The following SAMD12 variants were observed in gnomAD, a reference collection of about 807,000 sequenced individuals.
The protein encoded by SAMD12 is sterile alpha motif domain-containing protein 12.
Under a neutral mutation model 15.0 loss-of-function variants are expected in SAMD12, and 9 were observed. That is an observed-to-expected ratio of 0.60 (90% CI 0.36 to 1.05). The LOEUF (loss-of-function observed/expected upper bound fraction) is 1.05, where lower values mean the gene tolerates loss of function less well. SAMD12 is among the 50% of genes least tolerant of loss of function. The pLI is 0.01. For synonymous variants in SAMD12, 86 were observed against 90.1 expected (o/e 0.96, Z 0.25); for missense variants, 230 against 234.2 (o/e 0.98, Z 0.12).
intron 4 of SAMD12, among the ~76,000 whole-genome samples, chr8:118,372,685 C>T (rs1359432708): frequency 6.6e-6 from 1 of 152,042 alleles, no homozygotes; most frequent in East Asian, 1.9e-4. Flanking sequence ...AACCTGCAAA[C>T]AACTCAAATG....
At chr8:118,607,491 C>T (rs1828013041) in intron 1 of SAMD12, among the ~76,000 whole-genome samples, 1 of 152,184 alleles carries the variant, frequency 6.6e-6, no homozygotes, top group Non-Finnish European at 1.5e-5. Flanking sequence ...CCACCTCAGC[C>T]TCCCAAAGTG....
At chr8:118,394,452 G>A (rs1820445839) in intron 3 of SAMD12, among the ~76,000 whole-genome samples, 1 of 152,190 alleles carries the variant, frequency 6.6e-6, no homozygotes, top group African/African-American at 2.4e-5. Flanking sequence ...AAGTAAGGGT[G>A]TATCTTTTCA....
intron 4 of SAMD12, chr8:118,284,836 G>A: frequency 6.5e-6 from 1 of 154,826 alleles, no homozygotes; most frequent in Non-Finnish European, 1.4e-5. Flanking sequence ...CAGCTACTCG[G>A]GAGGCTGAGG....
At chr8:118,335,989 G>A (rs897586568) in intron 4 of SAMD12, among the ~76,000 whole-genome samples, 5 of 152,128 alleles carry the variant, frequency 3.3e-5, no homozygotes, top group East Asian at 1.9e-4. Context: ...CTCTGAAAGC[G>A]CTGGGATTAC....
intron 2 of SAMD12, among the ~76,000 whole-genome samples, chr8:118,461,786 T>C (rs1332739897): frequency 1.3e-5 from 2 of 152,208 alleles, no homozygotes; most frequent in Admixed American, 6.5e-5. Flanking sequence ...CTAAGAAATA[T>C]GCAAGCACTG....
intron 4 of SAMD12, among the ~76,000 whole-genome samples, chr8:118,281,069 T>C (rs1233077043): frequency 6.6e-6 from 1 of 151,064 alleles, no homozygotes; most frequent in Non-Finnish European, 1.5e-5. Flanking sequence ...CAGAAACAGC[T>C]AGTTGTACTA....
intron 1 of SAMD12, among the ~76,000 whole-genome samples, chr8:118,603,523 G>A (rs747636961): frequency 6.6e-6 from 1 of 152,184 alleles, no homozygotes; most frequent in Non-Finnish European, 1.5e-5. Flanking sequence ...TTTAAAGCCA[G>A]TCAACTTACA....
chr8:118,380,307 C>T (rs1288805677), intron 3 of SAMD12, among the ~76,000 whole-genome samples: 1 of 152,116 alleles, frequency 6.6e-6, no homozygotes, highest in Non-Finnish European at 1.5e-5. Context: ...TGCCTTAATC[C>T]CAATTACTGG....
chr8:118,516,981 G>C (rs1323114424), intron 2 of SAMD12, among the ~76,000 whole-genome samples: 2 of 152,122 alleles, frequency 1.3e-5, no homozygotes, highest in Non-Finnish European at 1.5e-5. Flanking sequence ...TTTCTAACAG[G>C]ATTTGTGCAG....
At chr8:118,229,650 T>A (rs933539886) in intron 4 of SAMD12, among the ~76,000 whole-genome samples, 1 of 152,166 alleles carries the variant, frequency 6.6e-6, no homozygotes, top group African/African-American at 2.4e-5. Flanking sequence ...CTCCAGGAAC[T>A]CAATGAGTTA....
At chr8:118,479,844 G>C (rs1392191788) in intron 2 of SAMD12, among the ~76,000 whole-genome samples, 4 of 151,056 alleles carry the variant, frequency 2.6e-5, no homozygotes, top group African/African-American at 9.8e-5. Context: ...TGTCATTTGT[G>C]ATCACTGCTA....
intron 2 of SAMD12, among the ~76,000 whole-genome samples, chr8:118,498,797 T>G (rs1158888478): frequency 6.6e-6 from 1 of 152,210 alleles, no homozygotes; most frequent in Non-Finnish European, 1.5e-5. Context: ...AATACCTACA[T>G]GGCACCTATT....
chr8:118,590,094 C>A lies in SAMD12; in HGVS notation c.14-9201G>T, dbSNP rs567131658. 2.0e-4 allele frequency among the ~76,000 whole-genome samples: 31 copies of A among 152,254 alleles called. No individual in the cohort carries two copies. In the East Asian group the frequency reaches 4.6e-3, roughly 23 times the overall value. Reference sequence around the variant, plus strand: ...CCCAGACTTAGAACTAAGAAACCTGCAACTTGGGAAGAGCTATGGGCACAG... The same window carrying A: ...CCCAGACTTAGAACTAAGAAACCTGAAACTTGGGAAGAGCTATGGGCACAG... On this transcript the variant is annotated intron_variant, in intron 1 of 3. Transcript: ENST00000314727.
chr8:118,497,980 A>T (rs1348997828), intron 2 of SAMD12, among the ~76,000 whole-genome samples: 1 of 152,192 alleles, frequency 6.6e-6, no homozygotes, highest in Non-Finnish European at 1.5e-5. Flanking sequence ...GATGGAGAAT[A>T]TGAAAGAAAG....
intron 2 of SAMD12, among the ~76,000 whole-genome samples, chr8:118,451,207 G>A (rs1238860260): frequency 6.6e-6 from 1 of 152,188 alleles, no homozygotes. Flanking sequence ...CGTCATGATA[G>A]CACTCTAATT....
chr8:118,455,019 T>C (rs1823204805), intron 2 of SAMD12, among the ~76,000 whole-genome samples: 1 of 152,210 alleles, frequency 6.6e-6, no homozygotes, highest in Non-Finnish European at 1.5e-5. Context: ...TAGGAAAGCA[T>C]CTTGGAAGAG....
At chr8:118,142,883 A>G in the SAMD12 span, among the ~76,000 whole-genome samples, 1 of 152,180 alleles carries the variant, frequency 6.6e-6, no homozygotes. Context: ...ATGTGTTTAG[A>G]CTTGGTTTGC....
chr8:118,555,509 C>T (rs796340708), intron 2 of SAMD12, among the ~76,000 whole-genome samples: 19 of 152,312 alleles, frequency 1.2e-4, no homozygotes, highest in African/African-American at 4.3e-4. Context: ...CAACAACAGG[C>T]TTATCTTCCT....
At chr8:118,287,519 A>G (rs1028786539) in intron 4 of SAMD12, among the ~76,000 whole-genome samples, 2 of 152,224 alleles carry the variant, frequency 1.3e-5, no homozygotes, top group Non-Finnish European at 1.5e-5. Flanking sequence ...ATTGATAAAA[A>G]TATTTGGGAT....
Sources: allele counts gnomAD v4.1 joint callset (sites outside exome capture counted in the v4.1 genomes callset), GRCh38; gene constraint gnomAD v4.1.1; transcripts MANE v1.5; gene names NCBI Gene and HGNC (gene_info 2026-07-23, HGNC 2026-07-21).